The following PPIE variants were observed in gnomAD, a reference collection of about 807,000 sequenced individuals.
The protein encoded by PPIE is peptidyl-prolyl cis-trans isomerase E.
Under a neutral mutation model 38.4 loss-of-function variants are expected in PPIE, and 20 were observed. The observed-to-expected ratio is 0.52, with a 90% CI of 0.37 to 0.76. The LOEUF (loss-of-function observed/expected upper bound fraction) is 0.76. PPIE is among the 30% of genes least tolerant of loss of function. The probability of loss-of-function intolerance (pLI) is 0.00; values close to 1 mark genes in which losing one functional copy is unlikely to be tolerated. For missense variants in PPIE, 322 were observed against 385.8 expected, an observed-to-expected ratio of 0.83 and a Z score of 1.39; for synonymous variants, 142 against 135.7, an observed-to-expected ratio of 1.05 and a Z score of -0.32.
At chr1:39,760,944 T>G (rs570698837), downstream of PPIE, among the ~76,000 whole-genome samples, 122 of 152,078 alleles carry the variant, frequency 8.0e-4, 1 homozygote, top group South Asian at 3.5e-3. Context: ...AAGGACCACT[T>G]TCTTCTTTTG....
intron 5 of PPIE, among the ~76,000 whole-genome samples, chr1:39,743,561 C>G (rs1315905613): frequency 1.3e-5 from 2 of 152,132 alleles, no homozygotes; most frequent in Non-Finnish European, 2.9e-5. Flanking sequence ...CTTGATATTC[C>G]ATTCCTGGGG....
At chr1:39,749,215 G>A in intron 8 of PPIE, 127 bp downstream of exon 8, 2 of 967,754 alleles carry the variant, frequency 2.1e-6, no homozygotes, top group South Asian at 1.7e-5. Flanking sequence ...CCAGCCACCA[G>A]ACATAGGAGA....
In PPIE at chr1:39,749,027, C is replaced by A; in HGVS notation, c.633C>A (p.Gly211=). 3 of 1,611,682 alleles carry A rather than the reference C, an allele frequency of 1.9e-6. No individual in the cohort carries two copies. The highest frequency in any genetic ancestry group is 2.5e-6 in the Non-Finnish European group (3 of 1,179,424). The change falls in exon 8 of 10, where the codon GGC becomes GGA. Residue 211 remains glycine (G), a synonymous_variant. Transcript: ENST00000324379. ...GDFTNHNGTG[G]KSIYGKKFDD... ...TCACAAACCACAATGGCACTGGGGG[C>A]AAGTCCATCTATGGGAAGAAGTTCG...
intron 4 of PPIE, chr1:39,742,913 C>T: frequency 4.5e-6 from 1 of 223,952 alleles, no homozygotes; most frequent in Non-Finnish European, 8.8e-6. Flanking sequence ...CATTTCAAAG[C>T]TTATCTTGAC....
Position 39,748,930 on chromosome 1 carries a change from A to G in PPIE, c.536A>G (p.Glu179Gly). The change falls in exon 8 of 10, where the codon GAA (glutamate) becomes GGA (glycine). Residue 179 changes from glutamate (E) to glycine (G), a missense_variant. By Grantham distance (98) the Glu-to-Gly change is moderately conservative. Transcript: ENST00000324379. ...AATTTCCGCTGCCTGTGCACTCATG[A>G]AAAGGGCTTTGGCTTTAAGGGAAGC... is the stretch of plus-strand genomic sequence containing the variant. ...AENFRCLCTH[E>G]KGFGFKGSSF... is the part of the protein sequence containing the mutation. The G allele has an allele frequency of 6.2e-7, 1 of 1,614,094 alleles. No homozygotes were observed. The highest frequency in any genetic ancestry group is 8.5e-7 in the Non-Finnish European group (1 of 1,180,018).
At chr1:39,744,390 G>T (rs1213421656) in intron 6 of PPIE, among the ~76,000 whole-genome samples, 2 of 152,202 alleles carry the variant, frequency 1.3e-5, no homozygotes, top group African/African-American at 2.4e-5. Flanking sequence ...ACGGGAACCT[G>T]CTGGGGCACT....
chr1:39,745,163 G>T (rs1405084518), intron 6 of PPIE, among the ~76,000 whole-genome samples: 1 of 152,266 alleles, frequency 6.6e-6, no homozygotes, highest in Non-Finnish European at 1.5e-5. Flanking sequence ...AGGTTAGCCA[G>T]TGCTGAGACC....
chr1:39,757,986 C>A (rs973925947), downstream of PPIE: 5 of 152,180 alleles, frequency 3.3e-5, no homozygotes, highest in African/African-American at 1.2e-4. Flanking sequence ...GTATTGGTTC[C>A]TGCTATGCAC....
Position 39,741,896 on chromosome 1 carries a change from A to T in PPIE, c.176A>T (p.Asp59Val). Residue 59 changes from aspartate (D) to valine (V), a missense_variant and splice_region_variant, in exon 4 of 10, where the codon GAT (aspartate) becomes GTT (valine). Physicochemically the swap from Asp to Val is radical, Grantham distance 152. Coordinates refer to ENST00000324379, the MANE Select transcript of PPIE (RefSeq NM_006112.4). ...TGTACCTTTGTCTTTCCTTGGCAGG[A>T]TGCTGCAGCAGCTATCGACAACATG... is the stretch of plus-strand genomic sequence containing the variant. ...FAFVEFELAE[D>V]AAAAIDNMNE... The T allele has an allele frequency of 6.2e-7, 1 of 1,614,238 alleles. No homozygotes were observed. Among genetic ancestry groups the T allele is most frequent in the Non-Finnish European group, 8.5e-7 (1 of 1,180,026 alleles).
rs148285561 is a variant in PPIE, at chr1:39,755,790, G to A, written c.*2435G>A. The stretch of plus-strand genomic sequence containing the variant: ...TCCTCTCCCAGTGTTCCTCCTGGGT[G>A]TTCACAGATGTTATTGAATGCACAC... On this transcript the variant is annotated 3_prime_UTR_variant, in exon 10 of 10. Coordinates refer to ENST00000324379, the MANE Select transcript of PPIE (RefSeq NM_006112.4). 950 of 985,352 alleles carry A rather than the reference G, an allele frequency of 9.6e-4. 4 individuals are homozygous for A. The African/African-American group carries it at 0.015, about 15-fold the overall frequency. 61.0% of individuals were successfully genotyped at this position (985,352 alleles called of 1,614,324 possible).
chr1:39,763,134 G>A (rs765967784), intron 9 of PPIE: 2 of 1,614,130 alleles, frequency 1.2e-6, no homozygotes, highest in South Asian at 2.2e-5. Flanking sequence ...TCATGCAGGA[G>A]TCCAGTGGGA....
At position 39,753,369 on chromosome 1, in the gene PPIE, C is replaced by A; in HGVS notation, c.*14C>A. The stretch of plus-strand genomic sequence containing the variant: ...GAGTACGTGTGAGGCGGCACTCTCT[C>A]TGCTTCCCCCTCCGCTCTTGACCCT... On this transcript the variant is annotated 3_prime_UTR_variant, in exon 10 of 10. Transcript: ENST00000324379. 2 of 1,612,832 alleles carry A rather than the reference C, an allele frequency of 1.2e-6. No homozygotes were observed. Among genetic ancestry groups the A allele is most frequent in the South Asian group, 2.2e-5 (2 of 90,876 alleles).
chr1:39,741,481 A>G (rs1051279775), intron 3 of PPIE, 72 bp downstream of exon 3: 2 of 1,550,186 alleles, frequency 1.3e-6, no homozygotes, highest in African/African-American at 1.4e-5. Flanking sequence ...GAAGCTTTTC[A>G]CCATTTGGTT....
intron 1 of PPIE, 47 bp from the exon 2 acceptor site, chr1:39,740,118 A>G: frequency 6.7e-7 from 1 of 1,498,860 alleles, no homozygotes; most frequent in Non-Finnish European, 9.3e-7. Context: ...GGACTTCTGC[A>G]AGAGTATGGA....
In PPIE at chr1:39,755,640, C is replaced by A. The variant is rs1486262411; in HGVS notation, c.*2285C>A. On this transcript the variant is annotated 3_prime_UTR_variant, in exon 10 of 10. Transcript: ENST00000324379. ...GAGTGTGTAGAAAAAGCACAGCCAGCCTCCCATAAAAGGACAGACTCCTGT... is the reference window on the plus strand; with the variant it reads ...GAGTGTGTAGAAAAAGCACAGCCAGACTCCCATAAAAGGACAGACTCCTGT... 5.1e-6 allele frequency: 5 copies of A among 985,262 alleles called. No individual in the cohort carries two copies. Among genetic ancestry groups the A allele is most frequent in the Non-Finnish European group, 6.0e-6 (5 of 829,930 alleles). 61.0% of individuals were successfully genotyped at this position (985,262 alleles called of 1,614,324 possible).
intron 9 of PPIE, chr1:39,763,597 G>T: frequency 1.4e-6 from 2 of 1,402,202 alleles, no homozygotes; most frequent in East Asian, 2.5e-5. Flanking sequence ...AAACACAGAA[G>T]AAAAAAATAC....
At position 39,740,179 on chromosome 1, in the gene PPIE, G is replaced by A. The variant is rs1270829456; in HGVS notation, c.46G>A (p.Glu16Lys). 1 of 1,614,004 alleles carries A rather than the reference G, an allele frequency of 6.2e-7. No homozygotes were observed. The highest frequency in any genetic ancestry group is 2.2e-5 in the East Asian group (1 of 44,900). ...RVLYVGGLAE[E>K]VDDKVLHAAF... ...CTTATTTGCAGGTGGACTGGCAGAG[G>A]AAGTGGACGACAAAGTTCTTCATGC... Residue 16 changes from glutamate (E) to lysine (K), a missense_variant, in exon 2 of 10, where the codon GAA becomes AAA. Physicochemically the swap from Glu to Lys is moderately conservative, Grantham distance 56. Transcript: ENST00000324379.
In PPIE at chr1:39,739,005, ATC is replaced by A. The variant is rs376719363; in HGVS notation, c.31+78_31+79del. The A allele has an allele frequency of 1.4e-4, 185 of 1,357,148 alleles. 1 individual carries two copies. In the East Asian group the frequency reaches 1.7e-3, roughly 13 times the overall value. 84.1% of individuals were successfully genotyped at this position (1,357,148 alleles called of 1,614,324 possible). A position where few individuals can be genotyped will look rare whatever the true frequency, so the allele number is the denominator to read the frequency against. ...AGGGTCGGGGCGTGGGGTGGGACGCATCTCTGAACCAGGAGGACGGCGAGCTG... is the reference window on the plus strand; with the variant it reads ...AGGGTCGGGGCGTGGGGTGGGACGCATCTGAACCAGGAGGACGGCGAGCTG... On this transcript the variant is annotated intron_variant, in intron 1 of 9. Coordinates refer to ENST00000324379, the MANE Select transcript of PPIE (RefSeq NM_006112.4).
chr1:39,752,707 C>A (rs1420749529), intron 8 of PPIE, among the ~76,000 whole-genome samples: 1 of 152,210 alleles, frequency 6.6e-6, no homozygotes, highest in African/African-American at 2.4e-5. Flanking sequence ...AAAGAACAGA[C>A]CAGTATAAAG....
Sources: allele counts gnomAD v4.1 joint callset (sites outside exome capture counted in the v4.1 genomes callset), GRCh38; gene constraint gnomAD v4.1.1; transcripts MANE v1.5; gene names NCBI Gene and HGNC (gene_info 2026-07-23, HGNC 2026-07-21).